ALCAM: variants seen among roughly 807,000 people sequenced by gnomAD.
ALCAM encodes the protein activated leukocyte cell adhesion molecule, also known as CD166 antigen.
In ALCAM, 30 loss-of-function variants were observed where a neutral mutation model predicts 70.9. The ratio of observed to expected loss-of-function variants is 0.42; its 90% CI spans 0.32 to 0.57. The LOEUF is 0.57. Among genes scored for constraint, ALCAM ranks in the 20% least tolerant of loss-of-function variants. The pLI, the probability that ALCAM is intolerant of heterozygous loss-of-function variation, is 0.11. For synonymous variants in ALCAM, 249 were observed against 242.5 expected (o/e 1.03, Z -0.25); for missense variants, 591 against 695.1 (o/e 0.85, Z 1.68).
chr3:105,459,210 G>A (rs751393485), intron 1 of ALCAM, among the ~76,000 whole-genome samples: 16 of 151,990 alleles, frequency 1.1e-4, no homozygotes, highest in Non-Finnish European at 2.1e-4. Flanking sequence ...TGGTGCTTCC[G>A]CATGAAATAT....
At chr3:105,488,714 G>A (rs552689339) in intron 1 of ALCAM, among the ~76,000 whole-genome samples, 1 of 149,832 alleles carries the variant, frequency 6.7e-6, no homozygotes, top group Non-Finnish European at 1.5e-5. Context: ...AAGGAAAGAA[G>A]GGAAGGGAGG....
At chr3:105,394,628 A>G (rs993601251) in intron 1 of ALCAM, among the ~76,000 whole-genome samples, 5 of 152,010 alleles carry the variant, frequency 3.3e-5, no homozygotes, top group Non-Finnish European at 7.4e-5. Context: ...GACATGTAAT[A>G]TATTCCATAA....
intron 14 of ALCAM, chr3:105,553,074 G>A: frequency 1.0e-6 from 1 of 988,064 alleles, no homozygotes; most frequent in Non-Finnish European, 1.2e-6. Context: ...CCATATAAGA[G>A]TCTATATCAG....
chr3:105,437,687 T>G (rs1171482472), intron 1 of ALCAM, among the ~76,000 whole-genome samples: 1 of 150,050 alleles, frequency 6.7e-6, no homozygotes, highest in Non-Finnish European at 1.5e-5. Flanking sequence ...TTTTTTTTCC[T>G]CCAAAGGAAG....
chr3:105,508,365 G>A (rs185172140), intron 1 of ALCAM, among the ~76,000 whole-genome samples: 1 of 152,080 alleles, frequency 6.6e-6, no homozygotes, highest in Non-Finnish European at 1.5e-5. Context: ...TCACATACTG[G>A]CTTCGTGATA....
chr3:105,441,257 G>C (rs927995416), intron 1 of ALCAM, among the ~76,000 whole-genome samples: 1 of 151,684 alleles, frequency 6.6e-6, no homozygotes, highest in African/African-American at 2.4e-5. Flanking sequence ...TCAGGTAATT[G>C]ATTCAGTTTT....
chr3:105,381,810 A>G (rs1007606756), intron 1 of ALCAM, among the ~76,000 whole-genome samples: 3 of 151,796 alleles, frequency 2.0e-5, no homozygotes, highest in Admixed American at 1.3e-4. Flanking sequence ...ATTTTCTAAC[A>G]TATTTCTCAA....
intron 6 of ALCAM, among the ~76,000 whole-genome samples, chr3:105,535,355 A>G (rs1260950243): frequency 6.6e-6 from 1 of 152,170 alleles, no homozygotes; most frequent in Non-Finnish European, 1.5e-5. Flanking sequence ...TAGTTAGTAA[A>G]GTGAGGCACA....
chr3:105,486,560 T>C (rs1938433284), intron 1 of ALCAM, among the ~76,000 whole-genome samples: 1 of 152,170 alleles, frequency 6.6e-6, no homozygotes, highest in South Asian at 2.1e-4. Flanking sequence ...GCTTTTGTTT[T>C]TAAAAAGAAG....
At chr3:105,455,441 CAAAA>C (rs66472811) in intron 1 of ALCAM, among the ~76,000 whole-genome samples, 6,735 of 126,434 alleles carry the variant, frequency 0.053, 350 homozygotes, top group African/African-American at 0.14. Context: ...GACACCGTCT[CAAAA>C]AAAAAAAAAA....
Position 105,367,382 on chromosome 3 carries a change from A to C in ALCAM, c.-27A>C. 6.2e-7 allele frequency: 1 copy of C among 1,612,230 alleles called. No homozygotes were observed. Among genetic ancestry groups the C allele is most frequent in the Non-Finnish European group, 8.5e-7 (1 of 1,178,650 alleles). ...CCCCTCCTGCGGCGTGGACTCCGTC[A>C]GTGGCCCACCAAGAAGGAGGAGGAA... On this transcript the variant is annotated 5_prime_UTR_variant, in exon 1 of 16. Transcript: ENST00000306107.
Position 105,545,403 on chromosome 3 carries a change from A to G in ALCAM, c.1104+68A>G, listed in dbSNP as rs886478643. ...TCTTTTTAGGTTTCTTATGCACTTT[A>G]TATTGTATTCAAGTAGGTATATTCA... On this transcript the variant is annotated intron_variant, in intron 9 of 15. Coordinates refer to ENST00000306107, the MANE Select transcript of ALCAM (RefSeq NM_001627.4). The G allele has an allele frequency of 3.6e-6, 4 of 1,103,868 alleles. No homozygotes were observed. The Admixed American group carries it at 5.2e-5, about 14-fold the overall frequency. 68.4% of individuals were successfully genotyped at this position (1,103,868 alleles called of 1,614,324 possible). A position where few individuals can be genotyped will look rare whatever the true frequency, so the allele number is the denominator to read the frequency against.
At chr3:105,453,933 G>T (rs2152592906) in intron 1 of ALCAM, among the ~76,000 whole-genome samples, 1 of 152,148 alleles carries the variant, frequency 6.6e-6, no homozygotes, top group South Asian at 2.1e-4. Context: ...TATCTTGAGA[G>T]ATACACAAAC....
intron 1 of ALCAM, among the ~76,000 whole-genome samples, chr3:105,427,360 GGAA>G (rs1373252927): frequency 1.3e-5 from 2 of 151,858 alleles, no homozygotes; most frequent in African/African-American, 2.4e-5. Context: ...AGAGAAGAAG[GGAA>G]GAAGAACAGC....
chr3:105,396,088 G>A (rs763828994), intron 1 of ALCAM, among the ~76,000 whole-genome samples: 6 of 151,966 alleles, frequency 3.9e-5, no homozygotes, highest in Middle Eastern at 6.3e-3. Context: ...GACTGGGCAA[G>A]CACAATAATA....
intron 1 of ALCAM, among the ~76,000 whole-genome samples, chr3:105,472,834 T>C (rs78817360): frequency 0.015 from 2,319 of 151,552 alleles, 25 homozygotes; most frequent in Middle Eastern, 0.048. Context: ...TCCTCAACTT[T>C]CTTATCTGCA....
At chr3:105,420,233 T>C (rs1166998456) in intron 1 of ALCAM, among the ~76,000 whole-genome samples, 1 of 151,706 alleles carries the variant, frequency 6.6e-6, no homozygotes, top group East Asian at 1.9e-4. Context: ...TCTCTTCCTT[T>C]CTCTCTTTAT....
chr3:105,367,561 C>T lies in ALCAM; in HGVS notation c.73+80C>T. 2.6e-6 allele frequency: 4 copies of T among 1,525,230 alleles called. No homozygotes were observed. The South Asian group carries it at 3.4e-5, about 13-fold the overall frequency. 94.5% of individuals were successfully genotyped at this position (1,525,230 alleles called of 1,614,324 possible). On this transcript the variant is annotated intron_variant, in intron 1 of 15. Transcript: ENST00000306107. ...TAGGTCCCCGTCCCAGCCTCGCACCCCCGAGGCAGTGCGCCCAGGCGCGTG... is the reference window on the plus strand; with the variant it reads ...TAGGTCCCCGTCCCAGCCTCGCACCTCCGAGGCAGTGCGCCCAGGCGCGTG...
At chr3:105,540,164 C>G (rs1940079457) in intron 7 of ALCAM, 62 bp downstream of exon 7, 2 of 1,515,064 alleles carry the variant, frequency 1.3e-6, no homozygotes, top group Admixed American at 3.5e-5. Context: ...TTGACTTCTA[C>G]ATGGATAGAT....
Sources: allele counts gnomAD v4.1 joint callset (sites outside exome capture counted in the v4.1 genomes callset), GRCh38; gene constraint gnomAD v4.1.1; transcripts MANE v1.5; gene names NCBI Gene and HGNC (gene_info 2026-07-23, HGNC 2026-07-21).